FBXO11: variants seen among roughly 807,000 people sequenced by gnomAD.
FBXO11 encodes the protein F-box only protein 11.
Under a neutral mutation model 117.0 loss-of-function variants are expected in FBXO11, and 13 were observed. The observed-to-expected ratio is 0.11, with a 90% confidence interval of 0.07 to 0.18. The LOEUF is 0.18. FBXO11 is among the 10% of genes least tolerant of loss of function. The pLI is 1.00. For synonymous variants in FBXO11, 490 were observed against 380.5 expected, an observed-to-expected ratio of 1.29 and a Z score of -3.35; for missense variants, 767 against 1,164.4, an observed-to-expected ratio of 0.66 and a Z score of 4.97.
chr2:47,902,897 C>T (rs1429998024), intron 1 of FBXO11, among the ~76,000 whole-genome samples: 1 of 151,468 alleles, frequency 6.6e-6, no homozygotes, highest in Admixed American at 6.6e-5. Context: ...TGTTACATAT[C>T]CATTAAGAGT....
chr2:47,898,534 T>G (rs987513429), intron 1 of FBXO11, among the ~76,000 whole-genome samples: 2 of 152,230 alleles, frequency 1.3e-5, no homozygotes, highest in African/African-American at 4.8e-5. Context: ...TATGAGTAAT[T>G]CAGGGGAAAT....
At chr2:47,809,301 G>A (rs1157116980) in intron 20 of FBXO11, 35 bp from the exon 21 acceptor site, 2 of 1,340,272 alleles carry the variant, frequency 1.5e-6, no homozygotes, top group Non-Finnish European at 2.1e-6. Flanking sequence ...AAAATTCAGA[G>A]GAATGTTAAT....
chr2:47,825,559 T>C (rs968731212), intron 11 of FBXO11, among the ~76,000 whole-genome samples: 4 of 151,136 alleles, frequency 2.6e-5, no homozygotes, highest in Non-Finnish European at 4.4e-5. Context: ...TGGTGGATTT[T>C]TTCTTCTTCT....
chr2:47,905,544 C>T lies in FBXO11; in HGVS notation c.177G>A (p.Pro59=), dbSNP rs887111231. ...PQQQQQQQPP[P]PPPPPPPLPQ... is the part of the protein sequence containing the mutation. Reference sequence around the variant, plus strand: ...GCAGCGGCGGAGGCGGCGGTGGCGGCGGCGGAGGCTGCTGCTGCTGCTGCT... The same window carrying T: ...GCAGCGGCGGAGGCGGCGGTGGCGGTGGCGGAGGCTGCTGCTGCTGCTGCT... Residue 59 remains proline, a synonymous_variant, in exon 1 of 23, where the codon CCG becomes CCA. Coordinates refer to ENST00000403359, the MANE Select transcript of FBXO11 (RefSeq NM_001190274.2). 4.0e-6 allele frequency: 5 copies of T among 1,240,432 alleles called. No individual in the cohort carries two copies. The highest frequency in any genetic ancestry group is 3.6e-5 in the South Asian group (1 of 27,534). 76.8% of individuals were successfully genotyped at this position (1,240,432 alleles called of 1,614,324 possible).
At chr2:47,882,942 C>T (rs1008819111) in intron 1 of FBXO11, among the ~76,000 whole-genome samples, 7 of 152,216 alleles carry the variant, frequency 4.6e-5, no homozygotes, top group African/African-American at 7.2e-5. Context: ...AGTCCCCATG[C>T]CCAGCCATTT....
At chr2:47,898,784 G>GT (rs1308182944) in intron 1 of FBXO11, among the ~76,000 whole-genome samples, 2 of 152,098 alleles carry the variant, frequency 1.3e-5, no homozygotes, top group Non-Finnish European at 2.9e-5. Flanking sequence ...CAAGGGGCAG[G>GT]TTATTGCATC....
At chr2:47,900,502 TATAA>T (rs1048522360) in intron 1 of FBXO11, among the ~76,000 whole-genome samples, 8 of 150,962 alleles carry the variant, frequency 5.3e-5, no homozygotes, top group African/African-American at 1.9e-4. Flanking sequence ...TGCTGCATAT[TATAA>T]ATATACAGCT....
intron 11 of FBXO11, among the ~76,000 whole-genome samples, chr2:47,829,265 G>A (rs745797335): frequency 2.0e-5 from 3 of 147,164 alleles, no homozygotes; most frequent in Non-Finnish European, 3.0e-5. Context: ...TTTTGAGACA[G>A]AGTCTTGCTC....
At chr2:47,868,970 C>A (rs1269397630) in intron 1 of FBXO11, among the ~76,000 whole-genome samples, 3 of 152,238 alleles carry the variant, frequency 2.0e-5, no homozygotes, top group Non-Finnish European at 4.4e-5. Context: ...TCCCAGCATC[C>A]TGAAGCAGCT....
At chr2:47,838,243 A>G (rs996378589) in intron 4 of FBXO11, among the ~76,000 whole-genome samples, 1 of 152,042 alleles carries the variant, frequency 6.6e-6, no homozygotes, top group East Asian at 1.9e-4. Flanking sequence ...TCAAAAAACA[A>G]ATGAAAATCT....
chr2:47,891,532 G>C (rs890609782), intron 1 of FBXO11, among the ~76,000 whole-genome samples: 4 of 152,170 alleles, frequency 2.6e-5, no homozygotes, highest in Admixed American at 6.5e-5. Flanking sequence ...TGGACATGTT[G>C]TGGGCTGTTT....
chr2:47,875,803 G>GGT (rs1481580251), intron 1 of FBXO11, among the ~76,000 whole-genome samples: 4 of 152,052 alleles, frequency 2.6e-5, no homozygotes, highest in African/African-American at 9.7e-5. Context: ...TGACCCTGAT[G>GGT]GTATACCAAG....
intron 1 of FBXO11, among the ~76,000 whole-genome samples, chr2:47,851,509 G>A (rs766447314): frequency 4.6e-5 from 7 of 152,148 alleles, no homozygotes; most frequent in Non-Finnish European, 7.3e-5. Flanking sequence ...TTACAGGTGT[G>A]AGCCACCGCG....
intron 1 of FBXO11, among the ~76,000 whole-genome samples, chr2:47,854,925 GA>G (rs1674163249): frequency 6.7e-6 from 1 of 149,354 alleles, no homozygotes; most frequent in South Asian, 2.1e-4. Context: ...CTTTTATTAA[GA>G]GATGGCTTTG....
chr2:47,833,671 G>A (rs1248752972), intron 7 of FBXO11, among the ~76,000 whole-genome samples: 1 of 152,100 alleles, frequency 6.6e-6, no homozygotes, highest in Non-Finnish European at 1.5e-5. Flanking sequence ...TTAGAAACCT[G>A]ACCATAAATA....
chr2:47,822,443 C>CCTCTTA (rs1671458509), intron 12 of FBXO11, 140 bp from the exon 13 acceptor site: 1 of 575,520 alleles, frequency 1.7e-6, no homozygotes, highest in African/African-American at 1.9e-5. Context: ...ATTTCTAAGG[C>CCTCTTA]CTAAGACTTT....
intron 1 of FBXO11, among the ~76,000 whole-genome samples, chr2:47,892,097 G>T (rs1027946182): frequency 6.6e-6 from 1 of 152,002 alleles, no homozygotes; most frequent in Admixed American, 6.5e-5. Context: ...TGTTTCCTTT[G>T]CTGTGTAGAA....
intron 4 of FBXO11, among the ~76,000 whole-genome samples, chr2:47,837,408 T>C (rs895083593): frequency 6.6e-6 from 1 of 152,118 alleles, no homozygotes; most frequent in Admixed American, 6.6e-5. Flanking sequence ...GTGCCTGTAA[T>C]CCCAGCTACT....
chr2:47,865,563 T>A (rs1038273486), intron 1 of FBXO11, among the ~76,000 whole-genome samples: 2 of 152,222 alleles, frequency 1.3e-5, no homozygotes, highest in African/African-American at 4.8e-5. Flanking sequence ...GATGCTTACC[T>A]GTAGACTTTC....
Sources: gnomAD v4.1 joint callset for allele counts (sites outside exome capture counted in the v4.1 genomes callset) on GRCh38, gnomAD v4.1.1 for gene constraint, MANE v1.5 for transcripts, NCBI Gene and HGNC (gene_info 2026-07-23, HGNC 2026-07-21) for gene names.